The following IQCM variants were observed in gnomAD, a reference collection of about 807,000 sequenced individuals.
The protein encoded by IQCM is IQ domain-containing protein M.
In IQCM, 45 loss-of-function variants were observed where a neutral mutation model predicts 57.6. The observed-to-expected ratio is 0.78, with a 90% CI of 0.62 to 1.00. IQCM has a LOEUF of 1.00. Ranked by LOEUF, IQCM falls within the 50% of genes least tolerant of loss-of-function variation. The pLI is 0.00. For synonymous variants in IQCM, 148 were observed against 158.9 expected (o/e 0.93, Z 0.51); for missense variants, 468 against 511.6 (o/e 0.91, Z 0.82).
intron 12 of IQCM, among the ~76,000 whole-genome samples, chr4:149,456,054 T>C (rs1737668880): frequency 1.3e-5 from 2 of 151,888 alleles, no homozygotes; most frequent in Non-Finnish European, 2.9e-5. Flanking sequence ...GAGATCCCTA[T>C]TAAAAAAAAG....
chr4:149,783,835 A>G (rs1771834961), intron 2 of IQCM, among the ~76,000 whole-genome samples: 1 of 152,174 alleles, frequency 6.6e-6, no homozygotes. Context: ...GGTGGCCTCT[A>G]GGACCTGAGG....
In IQCM at chr4:149,743,050, G is replaced by T. The variant is rs376394346; in HGVS notation, c.-48-311C>A. On this transcript the variant is annotated intron_variant, in intron 2 of 13. Transcript: ENST00000636793. ...TTAGAGAAGTAAAATAGCTTGTCAAGGTAAGAAGCTATGTAGTGGCATGTG... is the reference window on the plus strand; with the variant it reads ...TTAGAGAAGTAAAATAGCTTGTCAATGTAAGAAGCTATGTAGTGGCATGTG... 1.4e-3 allele frequency among the ~76,000 whole-genome samples: 218 copies of T among 152,244 alleles called. 4 individuals carry two copies. Among genetic ancestry groups the T allele is most frequent in the Middle Eastern group, 0.01 (3 of 292 alleles).
At chr4:149,358,758 C>T (rs1217164994) in intron 13 of IQCM, among the ~76,000 whole-genome samples, 3 of 129,772 alleles carry the variant, frequency 2.3e-5, no homozygotes, top group Non-Finnish European at 5.0e-5. Flanking sequence ...AAATGCCAAG[C>T]CAGTTTTTTT....
intron 13 of IQCM, among the ~76,000 whole-genome samples, chr4:149,365,146 A>G (rs907332234): frequency 6.6e-6 from 1 of 152,140 alleles, no homozygotes; most frequent in Non-Finnish European, 1.5e-5. Flanking sequence ...CCTTGGATAA[A>G]TAGATGATTC....
chr4:149,625,409 T>A (rs182255592), intron 7 of IQCM, among the ~76,000 whole-genome samples: 243 of 152,302 alleles, frequency 1.6e-3, no homozygotes, highest in African/African-American at 5.4e-3. Context: ...GGAGGAGACA[T>A]CCCTATAACA....
intron 13 of IQCM, among the ~76,000 whole-genome samples, chr4:149,359,590 A>G (rs1466550720): frequency 6.6e-6 from 1 of 152,180 alleles, no homozygotes; most frequent in African/African-American, 2.4e-5. Flanking sequence ...AAATGTTCAA[A>G]TAATAGATAA....
chr4:149,497,191 C>T (rs1182639369), intron 12 of IQCM, among the ~76,000 whole-genome samples: 2 of 152,042 alleles, frequency 1.3e-5, no homozygotes, highest in Non-Finnish European at 2.9e-5. Context: ...ACCTCCTCAG[C>T]TGGATCCTGG....
chr4:149,692,959 A>C (rs971611235), intron 5 of IQCM, among the ~76,000 whole-genome samples: 6 of 152,164 alleles, frequency 3.9e-5, no homozygotes, highest in Non-Finnish European at 8.8e-5. Flanking sequence ...AGTTAAGCAA[A>C]AGGAATGTAA....
At chr4:149,428,069 A>G (rs1436969755) in intron 13 of IQCM, among the ~76,000 whole-genome samples, 1 of 151,946 alleles carries the variant, frequency 6.6e-6, no homozygotes, top group South Asian at 2.1e-4. Flanking sequence ...TATAAAATAT[A>G]TAGAGCTCCT....
At chr4:149,788,616 T>C (rs1400567262) in intron 2 of IQCM, among the ~76,000 whole-genome samples, 1 of 152,010 alleles carries the variant, frequency 6.6e-6, no homozygotes, top group Non-Finnish European at 1.5e-5. Context: ...AATAGAACTA[T>C]CATACAATCC....
Position 149,687,136 on chromosome 4 carries a change from A to G in IQCM, c.386-668T>C, listed in dbSNP as rs1762601465. On this transcript the variant is annotated intron_variant, in intron 5 of 13. Transcript: ENST00000636793. ...TTCTAGCTACTAGCTCAGATATATT[A>G]TTAATAAAAGATACAGAACACATGA... 4.0e-5 allele frequency among the ~76,000 whole-genome samples: 6 copies of G among 151,766 alleles called. No homozygotes were observed. The South Asian group carries it at 1.2e-3, about 31-fold the overall frequency.
intron 8 of IQCM, among the ~76,000 whole-genome samples, chr4:149,602,567 C>T (rs1251575096): frequency 1.3e-5 from 2 of 152,060 alleles, no homozygotes; most frequent in Non-Finnish European, 2.9e-5. Context: ...AATCTGTATA[C>T]TTACCTAAAT....
chr4:149,619,591 A>G (rs1756135625), intron 8 of IQCM, among the ~76,000 whole-genome samples: 2 of 152,222 alleles, frequency 1.3e-5, no homozygotes, highest in Admixed American at 1.3e-4. Context: ...GTTTTGGTTT[A>G]CAGAAAAAAA....
chr4:149,603,469 T>A (rs890021138), intron 8 of IQCM, among the ~76,000 whole-genome samples: 1 of 152,158 alleles, frequency 6.6e-6, no homozygotes, highest in Admixed American at 6.5e-5. Flanking sequence ...TCTTAATTAC[T>A]ACCAACCAGG....
intron 13 of IQCM, among the ~76,000 whole-genome samples, chr4:149,387,437 A>C (rs995149697): frequency 1.3e-5 from 2 of 152,054 alleles, no homozygotes; most frequent in Admixed American, 6.6e-5. Context: ...TCTTTTACCC[A>C]ATAGCTTCAT....
At chr4:149,689,293 C>A (rs537684044) in intron 5 of IQCM, among the ~76,000 whole-genome samples, 1 of 151,970 alleles carries the variant, frequency 6.6e-6, no homozygotes, top group Non-Finnish European at 1.5e-5. Flanking sequence ...ATCATCTGCA[C>A]CAAATTAACA....
Position 149,746,035 on chromosome 4 carries a change from T to C in IQCM, c.-48-3296A>G, listed in dbSNP as rs566855037. On this transcript the variant is annotated intron_variant, in intron 2 of 13. Transcript: ENST00000636793. ...ATGGCTCTTATAATTCAGTATTCTTTTGGCAAAAAAAAAAAAAAGCCTTAT... is the reference window on the plus strand; with the variant it reads ...ATGGCTCTTATAATTCAGTATTCTTCTGGCAAAAAAAAAAAAAAGCCTTAT... Among the ~76,000 whole-genome samples the C allele has an allele frequency of 2.0e-5, 3 of 150,236 alleles. 1 individual carries two copies. The South Asian group carries it at 6.2e-4, about 31-fold the overall frequency.
chr4:149,555,612 C>T (rs1391694520), intron 10 of IQCM, among the ~76,000 whole-genome samples: 1 of 152,146 alleles, frequency 6.6e-6, no homozygotes, highest in Non-Finnish European at 1.5e-5. Context: ...TTTACTATTC[C>T]TTTATGTTTA....
intron 12 of IQCM, among the ~76,000 whole-genome samples, chr4:149,499,578 C>T (rs201583531): frequency 2.2e-4 from 34 of 151,914 alleles, no homozygotes; most frequent in East Asian, 5.8e-4. Flanking sequence ...CTTACCTCAG[C>T]GAAGCAAAAA....
Sources: allele counts gnomAD v4.1 joint callset (sites outside exome capture counted in the v4.1 genomes callset), GRCh38; gene constraint gnomAD v4.1.1; transcripts MANE v1.5; gene names NCBI Gene and HGNC (gene_info 2026-07-23, HGNC 2026-07-21).